The following SBF2 variants were observed in gnomAD, a reference collection of about 807,000 sequenced individuals.
SBF2 encodes myotubularin-related protein 13.
A neutral mutation model predicts 225.2 loss-of-function variants in SBF2; 112 were observed. The observed-to-expected ratio is 0.50, with a 90% CI of 0.43 to 0.58. The LOEUF (loss-of-function observed/expected upper bound fraction) is 0.58. Ranked by LOEUF, SBF2 falls within the 20% of genes least tolerant of loss-of-function variation. SBF2 has a pLI of 0.00. For synonymous variants in SBF2, 763 were observed against 773.3 expected (o/e 0.99, Z 0.22); for missense variants, 1,996 against 2,206.2 (o/e 0.90, Z 1.91).
chr11:9,979,399 T>C (rs975454789), intron 13 of SBF2, among the ~76,000 whole-genome samples: 8 of 152,196 alleles, frequency 5.3e-5, no homozygotes, highest in Admixed American at 2.6e-4. Flanking sequence ...TTATTATTAT[T>C]ATAATAGGTC....
At chr11:10,181,930 A>G (rs1206418896) in intron 2 of SBF2, among the ~76,000 whole-genome samples, 2 of 152,176 alleles carry the variant, frequency 1.3e-5, no homozygotes, top group Non-Finnish European at 2.9e-5. Context: ...TCACCTTAGT[A>G]ACTCTCACCC....
chr11:9,787,842 G>A, intron 35 of SBF2, 104 bp from the exon 36 acceptor site: 5 of 917,240 alleles, frequency 5.5e-6, no homozygotes, highest in Non-Finnish European at 7.0e-6. Flanking sequence ...AGCATGGCCA[G>A]AGGGCAGTTG....
intron 2 of SBF2, among the ~76,000 whole-genome samples, chr11:10,139,673 G>A (rs1193535682): frequency 7.9e-5 from 12 of 152,142 alleles, no homozygotes; most frequent in Admixed American, 7.9e-4. Flanking sequence ...TTAGCTATTT[G>A]CTTTATTTAA....
At chr11:9,943,343 CA>C (rs1225775005) in intron 16 of SBF2, among the ~76,000 whole-genome samples, 1 of 151,968 alleles carries the variant, frequency 6.6e-6, no homozygotes, top group Non-Finnish European at 1.5e-5. Context: ...ACACAAGACA[CA>C]AAAAGTGTCA....
At chr11:10,202,385 T>C (rs969206438) in intron 1 of SBF2, among the ~76,000 whole-genome samples, 4 of 152,222 alleles carry the variant, frequency 2.6e-5, no homozygotes, top group African/African-American at 9.7e-5. Context: ...CGAGTCATGT[T>C]CAAGTTTCCG....
At chr11:9,932,693 C>T (rs1014585883) in intron 16 of SBF2, among the ~76,000 whole-genome samples, 1 of 152,004 alleles carries the variant, frequency 6.6e-6, no homozygotes, top group Non-Finnish European at 1.5e-5. Context: ...ATTGTAAAGA[C>T]CATCAATGTT....
intron 27 of SBF2, 56 bp from the exon 28 acceptor site, chr11:9,829,552 G>A: frequency 1.4e-6 from 2 of 1,406,754 alleles, no homozygotes; most frequent in Non-Finnish European, 2.0e-6. Context: ...AACAAAACAA[G>A]TATCTATCTA....
chr11:10,191,263 C>G (rs1170311182), intron 2 of SBF2, among the ~76,000 whole-genome samples: 2 of 152,120 alleles, frequency 1.3e-5, no homozygotes, highest in African/African-American at 4.8e-5. Context: ...TTTATTATAT[C>G]TATCTTTGGT....
intron 26 of SBF2, among the ~76,000 whole-genome samples, chr11:9,835,317 C>T (rs1270954860): frequency 6.6e-6 from 1 of 151,984 alleles, no homozygotes; most frequent in Non-Finnish European, 1.5e-5. Flanking sequence ...ATTCTTCTTT[C>T]TTAAAGATTA....
intron 2 of SBF2, among the ~76,000 whole-genome samples, chr11:10,096,098 C>T (rs932660419): frequency 6.6e-6 from 1 of 152,028 alleles, no homozygotes; most frequent in East Asian, 1.9e-4. Flanking sequence ...ATAAACCATG[C>T]CACACTGACT....
At chr11:10,213,140 A>G (rs1352660718) in intron 1 of SBF2, among the ~76,000 whole-genome samples, 4 of 152,098 alleles carry the variant, frequency 2.6e-5, no homozygotes, top group East Asian at 1.9e-4. Flanking sequence ...TCTTACATTC[A>G]TACCAAGGCC....
chr11:9,944,983 T>C (rs779089606), intron 16 of SBF2, among the ~76,000 whole-genome samples: 1 of 152,120 alleles, frequency 6.6e-6, no homozygotes, highest in Non-Finnish European at 1.5e-5. Flanking sequence ...CACATGCTTG[T>C]GGTTCCAGTT....
chr11:10,104,801 A>G (rs1036894066), intron 2 of SBF2, among the ~76,000 whole-genome samples: 1 of 152,182 alleles, frequency 6.6e-6, no homozygotes, highest in African/African-American at 2.4e-5. Flanking sequence ...TTTATTTGCT[A>G]TATGACCTTA....
At chr11:9,973,401 TAAAGTAATAAACAAGGGCTAGACA>T (rs1946544072) in intron 13 of SBF2, among the ~76,000 whole-genome samples, 2 of 152,202 alleles carry the variant, frequency 1.3e-5, no homozygotes, top group African/African-American at 4.8e-5. Context: ...AATGCAAATA[TAAAGTAATAAACAAGGGCTAGACA>T]ACTAAACACT....
At chr11:9,929,530 G>A (rs1041364027) in intron 16 of SBF2, among the ~76,000 whole-genome samples, 1 of 152,136 alleles carries the variant, frequency 6.6e-6, no homozygotes, top group Non-Finnish European at 1.5e-5. Context: ...GAATCCTGGC[G>A]AAACCATTAC....
intron 1 of SBF2, among the ~76,000 whole-genome samples, chr11:10,209,651 CA>C: frequency 6.6e-6 from 1 of 151,912 alleles, no homozygotes; most frequent in Non-Finnish European, 1.5e-5. Context: ...TAATCATGAC[CA>C]AATTGGGATT....
At chr11:9,844,957 C>A (rs1856433554) in intron 24 of SBF2, among the ~76,000 whole-genome samples, 1 of 151,952 alleles carries the variant, frequency 6.6e-6, no homozygotes, top group African/African-American at 2.4e-5. Flanking sequence ...AAGATAATGT[C>A]TTTGTTCTTA....
intron 1 of SBF2, among the ~76,000 whole-genome samples, chr11:10,239,339 T>C (rs1476467089): frequency 6.6e-6 from 1 of 150,594 alleles, no homozygotes; most frequent in African/African-American, 2.4e-5. Context: ...AAATAGAAAA[T>C]TGCCATATAC....
At chr11:10,173,981 A>G (rs1956338683) in intron 2 of SBF2, among the ~76,000 whole-genome samples, 1 of 152,072 alleles carries the variant, frequency 6.6e-6, no homozygotes, top group South Asian at 2.1e-4. Context: ...TAACAAACAG[A>G]AAGGACATCC....
Sources: allele counts gnomAD v4.1 joint callset (sites outside exome capture counted in the v4.1 genomes callset), GRCh38; gene constraint gnomAD v4.1.1; transcripts MANE v1.5; gene names NCBI Gene and HGNC (gene_info 2026-07-23, HGNC 2026-07-21).